Variants in LYRM4 observed in about 807,000 individuals in gnomAD.
LYRM4 encodes the protein LYR motif-containing protein 4.
LYRM4 carries 9 observed loss-of-function variants against 11.7 expected under a neutral mutation model. The observed-to-expected ratio is 0.77, with a 90% CI of 0.46 to 1.34. LYRM4 has a LOEUF of 1.34. LYRM4 is among the 40% of genes most tolerant of loss of function. The pLI, the probability that LYRM4 is intolerant of heterozygous loss-of-function variation, is 0.00. For missense variants in LYRM4, 133 were observed against 112.5 expected (o/e 1.18, Z -0.82); for synonymous variants, 42 against 40.4 (o/e 1.04, Z -0.15).
rs537144886 is a variant in LYRM4 at position 5,205,749 on chromosome 6, C to T, written c.207+10869G>A. ...TTTATTTTTGCTATTTTTACCAGCT[C>T]CCCCTTCTCCACCTCACTCCTTCTC... On this transcript the variant is annotated intron_variant, in intron 2 of 2. Coordinates refer to ENST00000330636, the MANE Select transcript of LYRM4 (RefSeq NM_020408.6). 9.2e-5 allele frequency among the ~76,000 whole-genome samples: 14 copies of T among 152,284 alleles called. No individual in the cohort carries two copies. In the South Asian group the frequency reaches 2.9e-3, roughly 32 times the overall value.
At chr6:5,167,175 CA>C (rs1221295918) in intron 2 of LYRM4, among the ~76,000 whole-genome samples, 1 of 152,180 alleles carries the variant, frequency 6.6e-6, no homozygotes, top group Non-Finnish European at 1.5e-5. Context: ...TTAATTAAAA[CA>C]AAAACCTTAC....
intron 2 of LYRM4, among the ~76,000 whole-genome samples, chr6:5,128,120 A>G (rs755078666): frequency 2.0e-5 from 3 of 152,140 alleles, no homozygotes; most frequent in Non-Finnish European, 2.9e-5. Flanking sequence ...TGGGCAGGCA[A>G]TGGGAGAGGG....
the LYRM4 span, among the ~76,000 whole-genome samples, chr6:5,037,823 C>A: frequency 4.9e-5 from 3 of 61,266 alleles, no homozygotes; most frequent in African/African-American, 1.3e-4. Flanking sequence ...GGCTGACCCC[C>A]CCTCCCCCCT....
the LYRM4 span, chr6:5,088,016 G>T: frequency 1.3e-5 from 2 of 152,238 alleles, no homozygotes; most frequent in Admixed American, 1.3e-4. Context: ...TGGCCCATGG[G>T]CCAAATTTGG....
downstream of LYRM4, chr6:5,106,387 G>A (rs1762665987): frequency 6.6e-6 from 1 of 152,234 alleles, no homozygotes; most frequent in Non-Finnish European, 1.5e-5. Flanking sequence ...GAAGATTTGA[G>A]GGTTGGACTA....
chr6:5,245,776 C>T (rs1417051540), intron 1 of LYRM4, among the ~76,000 whole-genome samples: 1 of 152,190 alleles, frequency 6.6e-6, no homozygotes, highest in Non-Finnish European at 1.5e-5. Context: ...TGTGAACTTA[C>T]AGGACTGCAG....
chr6:5,155,770 G>T (rs1758376233), intron 2 of LYRM4, among the ~76,000 whole-genome samples: 1 of 152,184 alleles, frequency 6.6e-6, no homozygotes, highest in Non-Finnish European at 1.5e-5. Flanking sequence ...AATGTACGGA[G>T]GAGCACTTAG....
the LYRM4 span, among the ~76,000 whole-genome samples, chr6:5,058,616 C>T: frequency 1.1e-4 from 16 of 152,344 alleles, no homozygotes; most frequent in Non-Finnish European, 1.9e-4. Context: ...CATGGGCACC[C>T]AGTGTCCAAC....
chr6:5,120,958 T>C (rs1763427338), intron 2 of LYRM4, among the ~76,000 whole-genome samples: 2 of 152,198 alleles, frequency 1.3e-5, no homozygotes, highest in Non-Finnish European at 2.9e-5. Flanking sequence ...ACCTGTGGAA[T>C]TTCTCATCAG....
At chr6:5,245,102 AAAAAAAAAAAAATATAT>A (rs1764087482) in intron 1 of LYRM4, among the ~76,000 whole-genome samples, 1 of 56,498 alleles carries the variant, frequency 1.8e-5, no homozygotes, top group African/African-American at 6.4e-5. Context: ...AAAAAAAAAA[AAAAAAAAAAAAATATAT>A]ATATATATAT....
At chr6:5,138,076 G>A (rs1279555243) in intron 2 of LYRM4, among the ~76,000 whole-genome samples, 1 of 152,114 alleles carries the variant, frequency 6.6e-6, no homozygotes, top group Non-Finnish European at 1.5e-5. Context: ...TCTTTCAGCA[G>A]GTCAAAAAGG....
At chr6:5,115,782 T>A (rs896324634) in intron 2 of LYRM4, among the ~76,000 whole-genome samples, 6 of 152,186 alleles carry the variant, frequency 3.9e-5, no homozygotes, top group Admixed American at 6.5e-5. Context: ...TATGACAATT[T>A]TATGGCCCTT....
At chr6:5,176,066 A>AGTTTT (rs140512571) in intron 2 of LYRM4, among the ~76,000 whole-genome samples, 3 of 147,296 alleles carry the variant, frequency 2.0e-5, no homozygotes, top group Non-Finnish European at 4.5e-5. Context: ...TTACGCTATT[A>AGTTTT]ATTTTTTTTT....
the LYRM4 span, among the ~76,000 whole-genome samples, chr6:5,070,869 GAAAA>G: frequency 1.7e-4 from 8 of 48,094 alleles, no homozygotes; most frequent in Admixed American, 1.3e-3. Context: ...ACCCTGTCTT[GAAAA>G]AAAAAAAAAA....
intron 1 of LYRM4, among the ~76,000 whole-genome samples, chr6:5,232,765 C>A (rs567771023): frequency 6.6e-6 from 1 of 152,164 alleles, no homozygotes; most frequent in Admixed American, 6.5e-5. Flanking sequence ...TCATTACTTG[C>A]CCTAAATCCA....
At chr6:5,214,483 A>C (rs1282907036) in intron 2 of LYRM4, among the ~76,000 whole-genome samples, 1 of 152,138 alleles carries the variant, frequency 6.6e-6, no homozygotes, top group African/African-American at 2.4e-5. Flanking sequence ...AGAGCCTTGA[A>C]GGGGTTGAAC....
chr6:5,249,834 T>C (rs2127768511), intron 1 of LYRM4, among the ~76,000 whole-genome samples: 1 of 152,342 alleles, frequency 6.6e-6, no homozygotes, highest in Admixed American at 6.5e-5. Context: ...ATGAAATCTA[T>C]GATCTGATGA....
chr6:5,213,392 T>C (rs1168260884), intron 2 of LYRM4, among the ~76,000 whole-genome samples: 1 of 152,172 alleles, frequency 6.6e-6, no homozygotes, highest in Admixed American at 6.5e-5. Flanking sequence ...CTCTGAAGAA[T>C]GAGTGGAAAG....
the LYRM4 span, among the ~76,000 whole-genome samples, chr6:5,069,939 A>G: frequency 6.6e-6 from 1 of 152,228 alleles, no homozygotes; most frequent in Admixed American, 6.5e-5. Context: ...AATAACTGTG[A>G]GGTGAGTTAA....
Sources: allele counts gnomAD v4.1 joint callset (sites outside exome capture counted in the v4.1 genomes callset), GRCh38; gene constraint gnomAD v4.1.1; transcripts MANE v1.5; gene names NCBI Gene and HGNC (gene_info 2026-07-23, HGNC 2026-07-21).